The following BFSP1 variants were observed in gnomAD, a reference collection of about 807,000 sequenced individuals.
The protein encoded by BFSP1 is beaded filament structural protein 1, also known as filensin.
In BFSP1, 38 loss-of-function variants were observed where a neutral mutation model predicts 43.9. The ratio of observed to expected loss-of-function variants is 0.87; its 90% CI spans 0.67 to 1.14. The LOEUF (loss-of-function observed/expected upper bound fraction) is 1.14. Ranked by LOEUF, BFSP1 falls within the 50% of genes most tolerant of loss-of-function variation. The pLI is 0.00. For synonymous variants in BFSP1, 352 were observed against 354.8 expected, an observed-to-expected ratio of 0.99 and a Z score of 0.09; for missense variants, 850 against 875.1, an observed-to-expected ratio of 0.97 and a Z score of 0.36.
chr20:17,505,883 A>G (rs760071620), intron 5 of BFSP1, among the ~76,000 whole-genome samples: 2 of 152,208 alleles, frequency 1.3e-5, no homozygotes, highest in Admixed American at 6.5e-5. Flanking sequence ...AGAGCTAAGG[A>G]GGCAGAATTT....
Position 17,555,708 on chromosome 20 carries a change from G to A in BFSP1, c.2+2980C>T, listed in dbSNP as rs117590441. Among the ~76,000 whole-genome samples the A allele has an allele frequency of 2.2e-4, 33 of 152,262 alleles. No homozygotes were observed. In the East Asian group the frequency reaches 6.0e-3, roughly 28 times the overall value. ...AATAAGAATTACAGAAACATGCCAT[G>A]TTCACAGGTGAAAAGAATCAATATT... On this transcript the variant is annotated intron_variant, in intron 1 of 7. Transcript: ENST00000377868.
intron 7 of BFSP1, among the ~76,000 whole-genome samples, chr20:17,495,921 G>A (rs1016188802): frequency 3.9e-5 from 6 of 152,138 alleles, no homozygotes; most frequent in Non-Finnish European, 7.3e-5. Flanking sequence ...CAGGTGAGCC[G>A]GCAACAGCAG....
At chr20:17,546,665 C>T (rs943618532) in intron 1 of BFSP1, among the ~76,000 whole-genome samples, 2 of 151,452 alleles carry the variant, frequency 1.3e-5, no homozygotes, top group Non-Finnish European at 2.9e-5. Context: ...TCACACCACA[C>T]TGCATTCCAG....
chr20:17,533,590 C>T (rs2034583289), upstream of BFSP1, among the ~76,000 whole-genome samples: 1 of 152,156 alleles, frequency 6.6e-6, no homozygotes, highest in Admixed American at 6.5e-5. Context: ...CCTTTGTTTG[C>T]ATCATGTCTG....
At chr20:17,512,990 G>A (rs1411713838) in intron 3 of BFSP1, among the ~76,000 whole-genome samples, 1 of 152,188 alleles carries the variant, frequency 6.6e-6, no homozygotes, top group Non-Finnish European at 1.5e-5. Context: ...CCAGAAAGCA[G>A]CCCTTGGCCA....
At chr20:17,509,525 C>T (rs907262550) in intron 4 of BFSP1, among the ~76,000 whole-genome samples, 7 of 152,274 alleles carry the variant, frequency 4.6e-5, no homozygotes, top group Non-Finnish European at 8.8e-5. Flanking sequence ...TGTGACATGC[C>T]GGGACCAAGT....
chr20:17,511,920 C>G, intron 4 of BFSP1, 56 bp downstream of exon 4: 1 of 1,485,250 alleles, frequency 6.7e-7, no homozygotes, highest in Non-Finnish European at 9.4e-7. Context: ...CCCTGGGAGT[C>G]TCCAGGTACA....
chr20:17,559,698 C>A (rs2035049748), upstream of BFSP1, among the ~76,000 whole-genome samples: 1 of 152,122 alleles, frequency 6.6e-6, no homozygotes, highest in South Asian at 2.1e-4. Context: ...GGAGTGGGAA[C>A]CCTATTGTGG....
chr20:17,528,497 C>T (rs929720761), intron 1 of BFSP1, among the ~76,000 whole-genome samples: 2 of 152,222 alleles, frequency 1.3e-5, no homozygotes, highest in African/African-American at 4.8e-5. Flanking sequence ...AGGGCACTTT[C>T]CCCCTTTGCT....
intron 3 of BFSP1, among the ~76,000 whole-genome samples, chr20:17,513,814 TACC>T (rs1282330788): frequency 6.6e-6 from 1 of 152,214 alleles, no homozygotes; most frequent in Non-Finnish European, 1.5e-5. Context: ...CGAGGGCTAT[TACC>T]AATGGATCAC....
intron 1 of BFSP1, among the ~76,000 whole-genome samples, chr20:17,540,267 C>T (rs933181476): frequency 3.9e-5 from 6 of 152,150 alleles, no homozygotes; most frequent in African/African-American, 1.4e-4. Flanking sequence ...TCAACTCCTA[C>T]TGACTTCTAT....
At chr20:17,523,489 A>C (rs1399963462) in intron 2 of BFSP1, among the ~76,000 whole-genome samples, 3 of 151,936 alleles carry the variant, frequency 2.0e-5, no homozygotes, top group African/African-American at 7.3e-5. Flanking sequence ...TACAGGTGTC[A>C]GCAGAATAGC....
At chr20:17,520,217 C>A (rs890924192) in intron 2 of BFSP1, among the ~76,000 whole-genome samples, 6 of 142,980 alleles carry the variant, frequency 4.2e-5, no homozygotes, top group Non-Finnish European at 9.2e-5. Context: ...CGTGCCCCCC[C>A]ACCCCGCCCA....
chr20:17,531,136 T>C lies in BFSP1; in HGVS notation c.194A>G (p.His65Arg), dbSNP rs2034526824. The C allele has an allele frequency of 7.5e-7, 1 of 1,330,076 alleles. No individual in the cohort carries two copies. The highest frequency in any genetic ancestry group is 2.0e-5 in the South Asian group (1 of 50,804). 82.4% of individuals were successfully genotyped at this position (1,330,076 alleles called of 1,614,324 possible). ...VQRARALEQR[H>R]AGLRRQLDAF... The stretch of plus-strand genomic sequence containing the variant: ...ATCCAGCTGCCTCCGGAGCCCGGCA[T>C]GGCGCTGCTCGAGGGCGCGGGCCCG... Residue 65 changes from histidine (H) to arginine (R), a missense_variant, in exon 1 of 8, where the codon CAT becomes CGT. His to Arg is a conservative substitution (Grantham distance 29). Coordinates refer to ENST00000377873, the MANE Select transcript of BFSP1 (RefSeq NM_001195.5).
At chr20:17,542,865 T>C (rs2034742796) in intron 1 of BFSP1, among the ~76,000 whole-genome samples, 1 of 152,218 alleles carries the variant, frequency 6.6e-6, no homozygotes, top group African/African-American at 2.4e-5. Context: ...AAAAATAATT[T>C]ATAATAAATT....
chr20:17,549,760 C>T (rs1041264309), intron 1 of BFSP1, among the ~76,000 whole-genome samples: 5 of 152,082 alleles, frequency 3.3e-5, no homozygotes, highest in African/African-American at 9.7e-5. Flanking sequence ...CACTTAAACC[C>T]GGGGGGCAGA....
At chr20:17,517,440 C>G in intron 2 of BFSP1, 1 of 619,372 alleles carries the variant, frequency 1.6e-6, no homozygotes, top group African/African-American at 1.8e-5. Context: ...CACACCACCA[C>G]GCCCAGCTAA....
At chr20:17,533,706 A>G (rs1245819458), upstream of BFSP1, among the ~76,000 whole-genome samples, 1 of 152,220 alleles carries the variant, frequency 6.6e-6, no homozygotes, top group Non-Finnish European at 1.5e-5. Flanking sequence ...GTGTGGGTGG[A>G]TAATCCCATC....
intron 1 of BFSP1, among the ~76,000 whole-genome samples, chr20:17,529,727 T>C (rs1047751340): frequency 6.6e-6 from 1 of 152,208 alleles, no homozygotes; most frequent in Non-Finnish European, 1.5e-5. Flanking sequence ...CTGCAGTGAG[T>C]ATCTTTGCAG....
Sources: allele counts gnomAD v4.1 joint callset (sites outside exome capture counted in the v4.1 genomes callset), GRCh38; gene constraint gnomAD v4.1.1; transcripts MANE v1.5; gene names NCBI Gene and HGNC (gene_info 2026-07-23, HGNC 2026-07-21).